Variants in CRISP3 observed in about 807,000 individuals in gnomAD.
CRISP3 encodes cysteine-rich secretory protein 3.
Under a neutral mutation model 36.1 loss-of-function variants are expected in CRISP3, and 33 were observed. The ratio of observed to expected loss-of-function variants is 0.91; its 90% CI spans 0.69 to 1.22. The LOEUF (loss-of-function observed/expected upper bound fraction) is 1.22. Among genes scored for constraint, CRISP3 ranks in the 50% most tolerant of loss-of-function variants. The probability of loss-of-function intolerance (pLI) is 0.00; values close to 1 mark genes in which losing one functional copy is unlikely to be tolerated. For missense variants in CRISP3, 330 were observed against 301.2 expected (o/e 1.10, Z -0.71); for synonymous variants, 117 against 104.6 (o/e 1.12, Z -0.72).
At chr6:49,735,292 G>T (rs1383708972) in intron 4 of CRISP3, among the ~76,000 whole-genome samples, 2 of 152,114 alleles carry the variant, frequency 1.3e-5, no homozygotes, top group East Asian at 1.9e-4. Flanking sequence ...GTAAAAATAT[G>T]ATACTGTGTG....
At chr6:49,733,597 C>T in intron 5 of CRISP3, 106 bp downstream of exon 5, 1 of 1,156,866 alleles carries the variant, frequency 8.6e-7, no homozygotes, top group Non-Finnish European at 1.2e-6. Flanking sequence ...ATTCTATATT[C>T]ACTTGAAATT....
At chr6:49,737,252 A>G in intron 2 of CRISP3, 73 bp downstream of exon 2, 4 of 1,171,542 alleles carry the variant, frequency 3.4e-6, no homozygotes, top group Non-Finnish European at 5.1e-6. Context: ...TTCACTTTTG[A>G]AGATTGATCT....
rs1247770812 is a variant in CRISP3, at chr6:49,736,405, T to C, written c.214A>G (p.Asn72Asp). The change falls in exon 3 of 8, where the codon AAC (asparagine) becomes GAC (aspartate). Residue 72 changes from asparagine (N) to aspartate (D), a missense_variant. Coordinates refer to ENST00000263045, the MANE Select transcript of CRISP3 (RefSeq NM_006061.4). The stretch of plus-strand genomic sequence containing the variant: ...TCACCTCTTACCATCTTCAGCATGT[T>C]TCTGGCAGGGGGAGATACTGCTCTC... Reference protein sequence around the residue: ...LRRAVSPPARNMLKMEWNKEA... With the variant: ...LRRAVSPPARDMLKMEWNKEA... The C allele has an allele frequency of 6.2e-7, 1 of 1,610,180 alleles. No homozygotes were observed. The highest frequency in any genetic ancestry group is 1.7e-5 in the Admixed American group (1 of 59,832).
Position 49,733,771 on chromosome 6 carries a change from C to A in CRISP3, c.394G>T (p.Glu132Ter), listed in dbSNP as rs1452746312. Residue 132 changes from glutamate to a stop codon, truncating the protein, a stop_gained, in exon 5 of 8, where the codon GAG becomes TAG. Transcript: ENST00000263045. LOFTEE classifies it high-confidence loss of function. ...ACACCAAAGTCAAAATCATTGTACT[C>A]ATCAAACCAGCTTTGGATTGCTTGT... ...WSQAIQSWFD[E>*]YNDFDFGVGP... is the part of the protein sequence containing the mutation. 1 of 1,613,784 alleles carries A rather than the reference C, an allele frequency of 6.2e-7. No individual in the cohort carries two copies. The highest frequency in any genetic ancestry group is 8.5e-7 in the Non-Finnish European group (1 of 1,179,762).
In CRISP3 at chr6:49,731,699, T is replaced by TA. The variant is rs3837035; in HGVS notation, c.561-449dup. Among the ~76,000 whole-genome samples the TA allele has an allele frequency of 7.2e-3, 1,088 of 151,470 alleles. 5 individuals carry two copies. The highest frequency in any genetic ancestry group is 0.02 in the African/African-American group (843 of 41,282). ...GTTAAATGTAACTTATAATTAAAAA[T>TA]AAAAAAAAACCATAATTTCTACAAT... On this transcript the variant is annotated intron_variant, in intron 6 of 7. Transcript: ENST00000263045.
intron 1 of CRISP3, among the ~76,000 whole-genome samples, chr6:49,741,108 A>G (rs548938999): frequency 6.8e-6 from 1 of 147,346 alleles, no homozygotes; most frequent in African/African-American, 2.5e-5. Flanking sequence ...AAAACAAAAA[A>G]CAAAAAACAA....
At chr6:49,734,377 T>A (rs1768990767) in intron 4 of CRISP3, among the ~76,000 whole-genome samples, 1 of 152,100 alleles carries the variant, frequency 6.6e-6, no homozygotes, top group Non-Finnish European at 1.5e-5. Context: ...AATGACACCA[T>A]AAAAGACAAT....
At chr6:49,737,893 AG>A (rs2127452632) in intron 1 of CRISP3, among the ~76,000 whole-genome samples, 1 of 152,350 alleles carries the variant, frequency 6.6e-6, no homozygotes, top group African/African-American at 2.4e-5. Flanking sequence ...CTTTTCCGTC[AG>A]GGATCTGGCT....
intron 1 of CRISP3, among the ~76,000 whole-genome samples, chr6:49,742,575 C>A (rs1375204487): frequency 7.3e-6 from 1 of 137,310 alleles, no homozygotes; most frequent in South Asian, 2.3e-4. Flanking sequence ...GAGGTTGCAG[C>A]GAGCCGAGAG....
intron 3 of CRISP3, 150 bp from the exon 4 acceptor site, chr6:49,735,741 T>G: frequency 3.6e-6 from 2 of 548,902 alleles, no homozygotes; most frequent in East Asian, 3.1e-5. Flanking sequence ...ATGTATATAT[T>G]TTTTATGTGC....
intron 7 of CRISP3, 87 bp from the exon 8 acceptor site, chr6:49,728,944 A>G: frequency 1.6e-6 from 2 of 1,286,342 alleles, no homozygotes; most frequent in Non-Finnish European, 2.1e-6. Context: ...ATGAACGGAG[A>G]GTAGGGAAGT....
chr6:49,733,217 A>G lies in CRISP3; in HGVS notation c.538T>C (p.Tyr180His), dbSNP rs180675897. Residue 180 changes from tyrosine to histidine, a missense_variant, in exon 6 of 8, where the codon TAT becomes CAT. By Grantham distance (83) the Tyr-to-His change is moderately conservative. Coordinates refer to ENST00000263045, the MANE Select transcript of CRISP3 (RefSeq NM_006061.4). ...CPNQKVLKYY[Y>H]VCQYCPAGNW... The stretch of plus-strand genomic sequence containing the variant: ...TACGCAGGACAATATTGGCAAACAT[A>G]GTAGTATTTTAGAACTTTTTGATTG... 70 of 1,603,880 alleles carry G rather than the reference A, an allele frequency of 4.4e-5. No homozygotes were observed. The East Asian group carries it at 1.5e-3, about 34-fold the overall frequency.
chr6:49,740,589 G>GTGTA (rs948178801), intron 1 of CRISP3, among the ~76,000 whole-genome samples: 3 of 151,548 alleles, frequency 2.0e-5, no homozygotes, highest in African/African-American at 7.3e-5. Context: ...GTGTGTGTGT[G>GTGTA]TGTGTGTGTG....
At chr6:49,735,306 C>T (rs528359575) in intron 4 of CRISP3, among the ~76,000 whole-genome samples, 198 bp downstream of exon 4, 22 of 152,138 alleles carry the variant, frequency 1.4e-4, no homozygotes, top group South Asian at 8.3e-4. Flanking sequence ...CTGTGTGAGA[C>T]GGTTTTTGTA....
At chr6:49,729,419 A>C (rs1326875956) in intron 7 of CRISP3, among the ~76,000 whole-genome samples, 1 of 152,118 alleles carries the variant, frequency 6.6e-6, no homozygotes, top group Non-Finnish European at 1.5e-5. Context: ...TTATAGGAAG[A>C]TGTAAATGTA....
chr6:49,732,476 T>C (rs375626571), intron 6 of CRISP3, among the ~76,000 whole-genome samples: 2 of 152,150 alleles, frequency 1.3e-5, no homozygotes, highest in South Asian at 4.1e-4. Flanking sequence ...TGAATATATC[T>C]TCAATATATC....
intron 2 of CRISP3, among the ~76,000 whole-genome samples, chr6:49,736,811 T>G (rs1226860991): frequency 1.3e-5 from 2 of 152,158 alleles, no homozygotes; most frequent in Admixed American, 1.3e-4. Flanking sequence ...TAACATCTTA[T>G]AGTGACAAGG....
At chr6:49,735,385 TTG>T in intron 4 of CRISP3, 117 bp downstream of exon 4, 1 of 699,690 alleles carries the variant, frequency 1.4e-6, no homozygotes, top group Non-Finnish European at 2.4e-6. Context: ...ATAGTCCATA[TTG>T]AAAAAGGTAG....
At chr6:49,741,040 G>A (rs1769185767) in intron 1 of CRISP3, among the ~76,000 whole-genome samples, 1 of 151,390 alleles carries the variant, frequency 6.6e-6, no homozygotes, top group Non-Finnish European at 1.5e-5. Flanking sequence ...GGCAGAGCTT[G>A]CAGTGAGCCG....
Sources: allele counts gnomAD v4.1 joint callset (sites outside exome capture counted in the v4.1 genomes callset), GRCh38; gene constraint gnomAD v4.1.1; transcripts MANE v1.5; gene names NCBI Gene and HGNC (gene_info 2026-07-23, HGNC 2026-07-21).